ATP2B4: variants seen among roughly 807,000 people sequenced by gnomAD.
ATP2B4 encodes ATPase plasma membrane Ca2+ transporting 4, also known as plasma membrane calcium-transporting ATPase 4.
Under a neutral mutation model 110.3 loss-of-function variants are expected in ATP2B4, and 39 were observed. The observed-to-expected ratio is 0.35, with a 90% CI of 0.27 to 0.46. The LOEUF is 0.46. Ranked by LOEUF, ATP2B4 falls within the 20% of genes least tolerant of loss-of-function variation. ATP2B4 has a pLI of 1.00. For missense variants in ATP2B4, 1,135 were observed against 1,530.9 expected (o/e 0.74, Z 4.32); for synonymous variants, 538 against 571.7 (o/e 0.94, Z 0.84).
chr1:203,645,055 A>C (rs1663751810), intron 1 of ATP2B4, among the ~76,000 whole-genome samples: 2 of 152,224 alleles, frequency 1.3e-5, no homozygotes, highest in Admixed American at 1.3e-4. Context: ...TTGGAAGGCC[A>C]CACTGCTTAA....
At chr1:203,738,871 G>A (rs1666936618) in intron 20 of ATP2B4, among the ~76,000 whole-genome samples, 1 of 152,200 alleles carries the variant, frequency 6.6e-6, no homozygotes, top group Admixed American at 6.5e-5. Flanking sequence ...CACAGTGGTG[G>A]TTGTGGGATA....
At chr1:203,675,341 T>G (rs1374629435) in intron 1 of ATP2B4, among the ~76,000 whole-genome samples, 2 of 152,218 alleles carry the variant, frequency 1.3e-5, no homozygotes, top group South Asian at 2.1e-4. Context: ...CCATTATCAC[T>G]GCACAGCATA....
At chr1:203,673,150 G>C (rs1157867537) in intron 1 of ATP2B4, among the ~76,000 whole-genome samples, 1 of 152,192 alleles carries the variant, frequency 6.6e-6, no homozygotes, top group Non-Finnish European at 1.5e-5. Flanking sequence ...TTTTCAAAGT[G>C]TGGTCCCCAG....
At chr1:203,690,745 C>G (rs562484982) in intron 2 of ATP2B4, among the ~76,000 whole-genome samples, 10 of 152,278 alleles carry the variant, frequency 6.6e-5, no homozygotes, top group African/African-American at 1.9e-4. Flanking sequence ...AAATAAGTGA[C>G]CCTAATAACA....
rs1285235610 is a variant in ATP2B4 at position 203,675,022 on chromosome 1, AC to A, written c.-464-7719del. Among the ~76,000 whole-genome samples the A allele has an allele frequency of 2.0e-5, 3 of 152,150 alleles. 1 individual carries two copies. The East Asian group carries it at 5.8e-4, about 29-fold the overall frequency. ...CTGCGCCTGGCCTCATCTTAATAAT[AC>A]TGATGCCATTTCAAGATGGAGCCAG... On this transcript the variant is annotated intron_variant, in intron 1 of 20. Coordinates refer to ENST00000357681, the MANE Select transcript of ATP2B4 (RefSeq NM_001684.5).
intron 1 of ATP2B4, chr1:203,657,675 C>G: frequency 1.3e-6 from 1 of 774,422 alleles, no homozygotes; most frequent in Non-Finnish European, 2.4e-6. Flanking sequence ...AGCCTCTCAG[C>G]TTTCCTTCTT....
At chr1:203,660,093 AAAAAAAAGAAAG>A (rs1664290450) in intron 1 of ATP2B4, among the ~76,000 whole-genome samples, 3 of 147,918 alleles carry the variant, frequency 2.0e-5, no homozygotes, top group South Asian at 2.1e-4. Flanking sequence ...AAAAAAAAAA[AAAAAAAAGAAAG>A]AAAGAAAGAA....
Position 203,686,373 on chromosome 1 carries a change from C to T in ATP2B4, c.193+2975C>T, listed in dbSNP as rs370522097. Among the ~76,000 whole-genome samples the T allele has an allele frequency of 3.9e-4, 59 of 152,310 alleles. No homozygotes were observed. The East Asian group carries it at 0.011, about 29-fold the overall frequency. ...CTGACAGCAGGATTCAGGCTTTCCT[C>T]CAATTTTCCAGATCCCTTCCCAGAG... On this transcript the variant is annotated intron_variant, in intron 2 of 20. Coordinates refer to ENST00000357681, the MANE Select transcript of ATP2B4 (RefSeq NM_001684.5).
rs1665900781 is a variant in ATP2B4, at chr1:203,708,028, A to G, written c.1481A>G (p.Asp494Gly). 1 of 1,614,032 alleles carries G rather than the reference A, an allele frequency of 6.2e-7. No homozygotes were observed. Among genetic ancestry groups the G allele is most frequent in the African/African-American group, 1.3e-5 (1 of 74,900 alleles). ...GIHYRQIPSP[D>G]VFLPKVLDLI... The stretch of plus-strand genomic sequence containing the variant: ...CATTACCGTCAAATCCCAAGCCCTG[A>G]TGTCTTCCTGCCCAAAGTCCTGGAC... Residue 494 changes from aspartate (D) to glycine (G), a missense_variant, in exon 10 of 21, where the codon GAT becomes GGT. Around this residue, in one of 9 missense-constraint regions of ATP2B4, gnomAD observed 368 missense variants for 455.9 expected, o/e 0.81. Transcript: ENST00000357681.
At chr1:203,706,573 G>A (rs775129887) in intron 8 of ATP2B4, among the ~76,000 whole-genome samples, 7 of 152,174 alleles carry the variant, frequency 4.6e-5, no homozygotes, top group Non-Finnish European at 7.3e-5. Flanking sequence ...GAGGTTAGTA[G>A]AGGAGAAGTC....
At chr1:203,696,171 C>T (rs1022915953) in intron 2 of ATP2B4, among the ~76,000 whole-genome samples, 1 of 152,180 alleles carries the variant, frequency 6.6e-6, no homozygotes, top group African/African-American at 2.4e-5. Context: ...AAGTGATACA[C>T]CCACCTTGGC....
In ATP2B4 at chr1:203,629,098, C is replaced by T. The variant is rs1211467153; in HGVS notation, c.-465+1879C>T. Among the ~76,000 whole-genome samples, 5 of 151,882 alleles carry T rather than the reference C, an allele frequency of 3.3e-5. No homozygotes were observed. The highest frequency in any genetic ancestry group is 5.9e-5 in the Non-Finnish European group (4 of 67,936). On this transcript the variant is annotated intron_variant, in intron 1 of 20. Coordinates refer to ENST00000357681, the MANE Select transcript of ATP2B4 (RefSeq NM_001684.5). The surrounding 1 kb of genome is among the most constrained non-coding windows in gnomAD (Gnocchi z 4.6). ...AAAACACTTAGAGGAGAGCTCATCT[C>T]GGGGCTGGGGATGCAACAGGAACGA...
intron 1 of ATP2B4, among the ~76,000 whole-genome samples, chr1:203,634,205 G>A (rs185200474): frequency 6.6e-6 from 1 of 152,214 alleles, no homozygotes; most frequent in East Asian, 1.9e-4. Context: ...CGTTGTTTTT[G>A]TAGTGTAAAC....
chr1:203,733,551 C>G (rs1666796170), intron 20 of ATP2B4: 2 of 722,816 alleles, frequency 2.8e-6, no homozygotes, highest in Admixed American at 3.5e-5. Flanking sequence ...AAATCCTACT[C>G]TAAAACCAGA....
chr1:203,698,973 C>T (rs922103420), intron 3 of ATP2B4, among the ~76,000 whole-genome samples: 2 of 152,160 alleles, frequency 1.3e-5, no homozygotes, highest in African/African-American at 4.8e-5. Flanking sequence ...CAAGGTCTCA[C>T]TATGTTGCCC....
intron 20 of ATP2B4, among the ~76,000 whole-genome samples, chr1:203,730,365 C>T (rs1481814135): frequency 1.3e-5 from 2 of 152,050 alleles, no homozygotes; most frequent in Non-Finnish European, 2.9e-5. Flanking sequence ...TGCCTCGTGG[C>T]ATCCAGGCAT....
chr1:203,734,129 G>C (rs369300807), intron 20 of ATP2B4, among the ~76,000 whole-genome samples: 1 of 151,986 alleles, frequency 6.6e-6, no homozygotes, highest in Admixed American at 6.6e-5. Context: ...GTGAAACCCC[G>C]TCTCTACTAA....
chr1:203,719,736 A>G (rs1354858594), intron 15 of ATP2B4, among the ~76,000 whole-genome samples: 1 of 151,388 alleles, frequency 6.6e-6, no homozygotes, highest in African/African-American at 2.4e-5. Context: ...ATAAATAAAT[A>G]AATAAATAAA....
At chr1:203,688,212 A>G (rs996677478) in intron 2 of ATP2B4, among the ~76,000 whole-genome samples, 6 of 151,296 alleles carry the variant, frequency 4.0e-5, no homozygotes, top group Admixed American at 6.6e-5. Flanking sequence ...TTTGGTGGAG[A>G]TGGGGTTTTG....
Sources: gnomAD v4.1 joint callset for allele counts (sites outside exome capture counted in the v4.1 genomes callset) on GRCh38, gnomAD v4.1.1 for gene constraint, gnomAD v4.1.1 regional missense constraint, Gnocchi (gnomAD v3.1) non-coding constraint, MANE v1.5 for transcripts, NCBI Gene and HGNC (gene_info 2026-07-23, HGNC 2026-07-21) for gene names.